CTNNA2: variants seen among roughly 807,000 people sequenced by gnomAD.
The protein encoded by CTNNA2 is catenin alpha 2.
A neutral mutation model predicts 101.0 loss-of-function variants in CTNNA2; 42 were observed. The ratio of observed to expected loss-of-function variants is 0.42; its 90% CI spans 0.32 to 0.54. The LOEUF is 0.54. Among genes scored for constraint, CTNNA2 ranks in the 20% least tolerant of loss-of-function variants. The pLI, the probability that CTNNA2 is intolerant of heterozygous loss-of-function variation, is 0.14. For missense variants in CTNNA2, 871 were observed against 1,223.1 expected, an observed-to-expected ratio of 0.71 and a Z score of 4.29; for synonymous variants, 450 against 456.4, an observed-to-expected ratio of 0.99 and a Z score of 0.18.
intron 7 of CTNNA2, among the ~76,000 whole-genome samples, chr2:79,995,315 G>A (rs1692466727): frequency 6.6e-6 from 1 of 152,166 alleles, no homozygotes. Context: ...CACCCTGGAA[G>A]GGATGTTCAT....
At position 79,343,013 on chromosome 2, in the gene CTNNA2, G is replaced by C. The variant is rs141909488; in HGVS notation, c.-318+30217G>C. The stretch of plus-strand genomic sequence containing the variant: ...AAGATGTATCTTAAAAATGTTCACT[G>C]ACTTGGATCTGATTATGTCTAGGAA... On this transcript the variant is annotated intron_variant, in intron 3 of 21. Coordinates refer to the CTNNA2 transcript ENST00000466387. Among the ~76,000 whole-genome samples, 44 of 152,298 alleles carry C rather than the reference G, an allele frequency of 2.9e-4. No individual in the cohort carries two copies. In the East Asian group the frequency reaches 7.9e-3, roughly 27 times the overall value.
intron 7 of CTNNA2, among the ~76,000 whole-genome samples, chr2:80,106,690 T>G (rs1432751543): frequency 6.6e-6 from 1 of 152,128 alleles, no homozygotes; most frequent in Non-Finnish European, 1.5e-5. Flanking sequence ...GTTCTCCGAT[T>G]AACAATTCTT....
chr2:79,477,749 A>G (rs992580940), intron 4 of CTNNA2, among the ~76,000 whole-genome samples: 3 of 152,196 alleles, frequency 2.0e-5, no homozygotes, highest in Non-Finnish European at 2.9e-5. Context: ...AATGAAGGTA[A>G]TCACACGGAA....
rs116005121 is a variant in CTNNA2 at position 79,849,743 on chromosome 2, C to T, written c.299-8270C>T. Among the ~76,000 whole-genome samples, 679 of 152,260 alleles carry T rather than the reference C, an allele frequency of 4.5e-3. 4 individuals carry two copies. The highest frequency in any genetic ancestry group is 0.014 in the African/African-American group (594 of 41,558). On this transcript the variant is annotated intron_variant, in intron 3 of 18. Coordinates refer to ENST00000402739, the MANE Select transcript of CTNNA2 (RefSeq NM_001282597.3). ...TTTGGTTTCCTTGCTACTTCCTGAA[C>T]TTAGAAATCCAACTAAAAGTTCAAA...
intron 16 of CTNNA2, among the ~76,000 whole-genome samples, chr2:80,607,772 A>G (rs183133212): frequency 6.6e-6 from 1 of 152,040 alleles, no homozygotes; most frequent in Non-Finnish European, 1.5e-5. Flanking sequence ...GAAACTGTCC[A>G]TTATGCTTGG....
intron 3 of CTNNA2, among the ~76,000 whole-genome samples, chr2:79,780,543 A>G (rs544428619): frequency 8.1e-4 from 123 of 152,288 alleles, no homozygotes; most frequent in African/African-American, 2.9e-3. Context: ...AGAGAAACAC[A>G]ACACACACTC....
intron 7 of CTNNA2, among the ~76,000 whole-genome samples, chr2:80,192,156 C>A (rs1235877911): frequency 6.6e-6 from 1 of 152,202 alleles, no homozygotes; most frequent in African/African-American, 2.4e-5. Flanking sequence ...TGGAGGAACT[C>A]TGATCTAACC....
intron 7 of CTNNA2, among the ~76,000 whole-genome samples, chr2:80,194,815 G>T (rs751408833): frequency 8.0e-5 from 12 of 150,508 alleles, no homozygotes; most frequent in African/African-American, 2.4e-4. Flanking sequence ...CTGTGTTTTT[G>T]TGTGTGTATA....
chr2:79,747,504 G>A (rs555982148), intron 3 of CTNNA2, among the ~76,000 whole-genome samples: 27 of 152,222 alleles, frequency 1.8e-4, no homozygotes, highest in Admixed American at 8.5e-4. Flanking sequence ...GATTGGCCCC[G>A]GGCCTCCTTT....
Position 80,647,982 on chromosome 2 carries a change from A to G in CTNNA2, c.*110A>G. The G allele has an allele frequency of 1.0e-6, 1 of 985,718 alleles. No homozygotes were observed. Among genetic ancestry groups the G allele is most frequent in the Non-Finnish European group, 1.5e-6 (1 of 678,880 alleles). The allele number at this position is 985,718 out of a possible 1,614,324, so 61.1% of individuals were successfully genotyped here. A position where few individuals can be genotyped will look rare whatever the true frequency, so the allele number is the denominator to read the frequency against. On this transcript the variant is annotated 3_prime_UTR_variant, in exon 19 of 19. Coordinates refer to ENST00000402739, the MANE Select transcript of CTNNA2 (RefSeq NM_001282597.3). ...CAGCTCGTATGCCTCTGGCATGGGGAAATTAAGGGAACAGTGTCTGTTTGC... is the reference window on the plus strand; with the variant it reads ...CAGCTCGTATGCCTCTGGCATGGGGGAATTAAGGGAACAGTGTCTGTTTGC...
intron 1 of CTNNA2, among the ~76,000 whole-genome samples, chr2:79,570,475 T>G (rs1573371947): frequency 6.6e-6 from 1 of 152,250 alleles, no homozygotes; most frequent in South Asian, 2.1e-4. Context: ...GTCATCCAAT[T>G]TAGATAAGGG....
At chr2:79,382,485 C>T (rs948962198) in intron 4 of CTNNA2, among the ~76,000 whole-genome samples, 2 of 152,088 alleles carry the variant, frequency 1.3e-5, no homozygotes, top group African/African-American at 4.8e-5. Context: ...AAGAAGGTTT[C>T]CAATTATCTT....
chr2:79,999,380 T>C (rs913701550), intron 7 of CTNNA2, among the ~76,000 whole-genome samples: 1 of 152,148 alleles, frequency 6.6e-6, no homozygotes, highest in Non-Finnish European at 1.5e-5. Flanking sequence ...TCTCCTATAC[T>C]AAAGCCTCAA....
intron 7 of CTNNA2, among the ~76,000 whole-genome samples, chr2:80,349,509 C>T (rs1673086412): frequency 6.6e-6 from 1 of 152,234 alleles, no homozygotes; most frequent in South Asian, 2.1e-4. Context: ...CTGTTACAAT[C>T]ACCATGTTTA....
At chr2:80,452,404 C>T (rs766767079) in intron 9 of CTNNA2, among the ~76,000 whole-genome samples, 3 of 151,750 alleles carry the variant, frequency 2.0e-5, no homozygotes, top group East Asian at 3.9e-4. Context: ...TTTACAGACA[C>T]GTGGCTGTAT....
At chr2:79,878,354 A>G (rs1683179680) in intron 6 of CTNNA2, among the ~76,000 whole-genome samples, 1 of 152,156 alleles carries the variant, frequency 6.6e-6, no homozygotes. Context: ...GCTGGGTCTA[A>G]TGGTATTTCT....
chr2:80,256,984 A>T (rs917758152), intron 7 of CTNNA2, among the ~76,000 whole-genome samples: 1 of 152,174 alleles, frequency 6.6e-6, no homozygotes, highest in African/African-American at 2.4e-5. Flanking sequence ...TTTTGTAGGA[A>T]GGATGACCTC....
intron 7 of CTNNA2, among the ~76,000 whole-genome samples, chr2:80,179,513 A>G (rs902091047): frequency 3.3e-5 from 5 of 152,130 alleles, no homozygotes; most frequent in African/African-American, 1.2e-4. Context: ...AGCTGGGACT[A>G]CAGGCACCCG....
intron 2 of CTNNA2, among the ~76,000 whole-genome samples, chr2:79,682,389 T>C (rs13005902): frequency 0.41 from 54,389 of 132,780 alleles, 11,093 homozygotes; most frequent in Admixed American, 0.51. Flanking sequence ...CCAGCCTGGG[T>C]GACAGAGCGA....
Sources: allele counts gnomAD v4.1 joint callset (sites outside exome capture counted in the v4.1 genomes callset), GRCh38; gene constraint gnomAD v4.1.1; transcripts MANE v1.5; gene names NCBI Gene and HGNC (gene_info 2026-07-23, HGNC 2026-07-21).